GYS1: variants seen among roughly 807,000 people sequenced by gnomAD.
GYS1 encodes glycogen [starch] synthase, muscle.
A neutral mutation model predicts 89.1 loss-of-function variants in GYS1; 60 were observed. That is an observed-to-expected ratio of 0.67 (90% CI 0.55 to 0.84). The LOEUF (loss-of-function observed/expected upper bound fraction) is 0.84. Among genes scored for constraint, GYS1 ranks in the 40% least tolerant of loss-of-function variants. The pLI is 0.00. For synonymous variants in GYS1, 366 were observed against 401.7 expected, an observed-to-expected ratio of 0.91 and a Z score of 1.06; for missense variants, 888 against 1,003.1, an observed-to-expected ratio of 0.89 and a Z score of 1.55.
intron 2 of GYS1, among the ~76,000 whole-genome samples, chr19:48,988,032 G>A (rs963470105): frequency 6.6e-6 from 1 of 152,004 alleles, no homozygotes; most frequent in South Asian, 2.1e-4. Flanking sequence ...TCCATTTCCC[G>A]ACCTTGTGAT....
rs957797019 is a variant in GYS1, at chr19:48,991,691, A to C, written c.119-208T>G. On this transcript the variant is annotated intron_variant, in intron 1 of 15. Coordinates refer to ENST00000323798, the MANE Select transcript of GYS1 (RefSeq NM_002103.5). The surrounding 1 kb of genome is among the most constrained non-coding windows in gnomAD (Gnocchi z 4.7). ...GCTGGAGGGCAGTCCTCCTGGGTCTAAGGGAGAAGGGGGCTGGGGTCAGGA... is the reference window on the plus strand; with the variant it reads ...GCTGGAGGGCAGTCCTCCTGGGTCTCAGGGAGAAGGGGGCTGGGGTCAGGA... 6.6e-6 allele frequency among the ~76,000 whole-genome samples: 1 copy of C among 151,988 alleles called. No homozygotes were observed. The highest frequency in any genetic ancestry group is 2.4e-5 in the African/African-American group (1 of 41,376).
intron 3 of GYS1, 41 bp from the exon 4 acceptor site, chr19:48,986,076 T>C: frequency 6.3e-7 from 1 of 1,596,264 alleles, no homozygotes; most frequent in South Asian, 1.1e-5. Context: ...CCACGAGTGT[T>C]GGGAAAAGAA....
At position 48,986,743 on chromosome 19, in the gene GYS1, C is replaced by T. The variant is rs138786484; in HGVS notation, c.492+451G>A. Among the ~76,000 whole-genome samples the T allele has an allele frequency of 5.1e-3, 778 of 152,214 alleles. 2 individuals carry two copies. The highest frequency in any genetic ancestry group is 7.8e-3 in the Non-Finnish European group (533 of 68,008). On this transcript the variant is annotated intron_variant, in intron 3 of 15. Transcript: ENST00000323798. ...AACTCCTGGCCTCACGTGATCTTCC[C>T]CCATCGGCCTCCCAAAGTGCTGGGA... is the stretch of plus-strand genomic sequence containing the variant.
intron 3 of GYS1, among the ~76,000 whole-genome samples, chr19:48,986,558 C>G (rs993719421): frequency 6.6e-6 from 1 of 150,382 alleles, no homozygotes; most frequent in South Asian, 2.1e-4. Flanking sequence ...GCTGGAGTGC[C>G]GTGATGCAAT....
At chr19:48,990,968 T>A (rs572989481) in intron 2 of GYS1, among the ~76,000 whole-genome samples, 1 of 152,372 alleles carries the variant, frequency 6.6e-6, no homozygotes, top group African/African-American at 2.4e-5. Flanking sequence ...CTAATTTTTG[T>A]ATTTTTGGTA....
chr19:48,984,740 G>C (rs1184123296), intron 5 of GYS1, among the ~76,000 whole-genome samples: 1 of 151,908 alleles, frequency 6.6e-6, no homozygotes, highest in African/African-American at 2.4e-5. Context: ...AATTAGCCAG[G>C]CGTGGTGGCA....
At position 48,986,144 on chromosome 19, in the gene GYS1, GCA is replaced by G. The variant is rs1378316330; in HGVS notation, c.493-111_493-110del. 8.4e-6 allele frequency: 8 copies of G among 953,256 alleles called. No homozygotes were observed. In the African/African-American group the frequency reaches 1.1e-4, roughly 13 times the overall value. The allele number at this position is 953,256 out of a possible 1,614,324, so 59.0% of individuals were successfully genotyped here. On this transcript the variant is annotated intron_variant, in intron 3 of 15. Transcript: ENST00000323798. ...GAGAGGTCAATCTGTCACCACTACT[GCA>G]CAGAGTGGGCAGCGGCCCACTGCAG...
rs181907975 is a variant in GYS1, at chr19:48,978,733, C to G, written c.1170-576G>C. Among the ~76,000 whole-genome samples, 10 of 151,706 alleles carry G rather than the reference C, an allele frequency of 6.6e-5. No homozygotes were observed. In the East Asian group the frequency reaches 1.7e-3, roughly 27 times the overall value. ...CTTTAGTAGAGACGGGGTTTCACCA[C>G]GTTGGCCAGGCTGGTCTCGAACTCC... On this transcript the variant is annotated intron_variant, in intron 8 of 15. Coordinates refer to ENST00000323798, the MANE Select transcript of GYS1 (RefSeq NM_002103.5).
chr19:48,982,540 A>C (rs765468787), intron 6 of GYS1, among the ~76,000 whole-genome samples, 165 bp from the exon 7 acceptor site: 1 of 152,012 alleles, frequency 6.6e-6, no homozygotes, highest in Non-Finnish European at 1.5e-5. Flanking sequence ...CTTTAGATGG[A>C]GATTTCCTTT....
chr19:48,977,584 C>A (rs1440027563), intron 10 of GYS1, among the ~76,000 whole-genome samples: 3 of 152,098 alleles, frequency 2.0e-5, no homozygotes, highest in Non-Finnish European at 2.9e-5. Flanking sequence ...CAGAGCGAGA[C>A]TCCATCTCAA....
chr19:48,968,998 GC>G lies in GYS1; in HGVS notation c.*289del, dbSNP rs1182813038. On this transcript the variant is annotated 3_prime_UTR_variant, in exon 16 of 16. Transcript: ENST00000323798. ...GTTTCCTAAAACCTCTGGCACCACC[GC>G]AGAGTAATGGCAGATTCCTGGCCTC... The G allele has an allele frequency of 1.6e-6, 1 of 626,516 alleles. No individual in the cohort carries two copies. The highest frequency in any genetic ancestry group is 3.0e-6 in the Non-Finnish European group (1 of 338,018). The allele number at this position is 626,516 out of a possible 1,614,324, so 38.8% of individuals were successfully genotyped here. A position where few individuals can be genotyped will look rare whatever the true frequency, so the allele number is the denominator to read the frequency against.
chr19:48,991,446 C>T lies in GYS1; in HGVS notation c.156G>A (p.Lys52=). 6.2e-7 allele frequency: 1 copy of T among 1,614,152 alleles called. No homozygotes were observed. Among genetic ancestry groups the T allele is most frequent in the Non-Finnish European group, 8.5e-7 (1 of 1,180,028 alleles). Residue 52 remains lysine, a synonymous_variant, in exon 2 of 16, where the codon AAG becomes AAA. Coordinates refer to ENST00000323798, the MANE Select transcript of GYS1 (RefSeq NM_002103.5). The surrounding 1 kb of genome is among the most constrained non-coding windows in gnomAD (Gnocchi z 4.7). ...TGTCGCCCCATTCGTCCCCTGTCAC[C>T]TTCGCCTTCGTCTGCAGCACCGTGT... ...GIYTVLQTKA[K]VTGDEWGDNY... is the part of the protein sequence containing the mutation.
chr19:48,981,606 A>C lies in GYS1; in HGVS notation c.1093T>G (p.Phe365Val), dbSNP rs2122505575. The C allele has an allele frequency of 6.2e-7, 1 of 1,613,236 alleles. No homozygotes were observed. Among genetic ancestry groups the C allele is most frequent in the Non-Finnish European group, 8.5e-7 (1 of 1,179,204 alleles). ...VNGSEQTVVAFFIMPARTNNF... is the reference protein window; with the variant it reads ...VNGSEQTVVAVFIMPARTNNF... ...TTGGTCCGCGCTGGCATGATGAAGA[A>C]GGCAACCACTGTCTGCTCGCTGCCG... Residue 365 changes from phenylalanine to valine, a missense_variant, in exon 8 of 16, where the codon TTC becomes GTC. Phe to Val is a conservative substitution (Grantham distance 50, BLOSUM62 -1). Transcript: ENST00000323798.
Position 48,993,265 on chromosome 19 carries a change from C to A in GYS1, c.-153G>T, listed in dbSNP as rs747341727. ...TTCCTATTGCAAGACCGCACCCCTG[C>A]CCCGAAGCGTTGGGACCTAGGCAGA... On this transcript the variant is annotated 5_prime_UTR_variant, in exon 1 of 16. Transcript: ENST00000323798. 1 of 737,304 alleles carries A rather than the reference C, an allele frequency of 1.4e-6. No homozygotes were observed. Among genetic ancestry groups the A allele is most frequent in the South Asian group, 1.4e-5 (1 of 72,660 alleles). 45.7% of individuals were successfully genotyped at this position (737,304 alleles called of 1,614,324 possible).
At chr19:48,992,628 C>G (rs1047926632) in intron 1 of GYS1, among the ~76,000 whole-genome samples, 16 of 152,140 alleles carry the variant, frequency 1.1e-4, no homozygotes, top group African/African-American at 3.4e-4. Flanking sequence ...CTGTTAGGGT[C>G]ATAGGTCTGA....
At chr19:48,983,212 A>G (rs1015607718) in intron 5 of GYS1, among the ~76,000 whole-genome samples, 1 of 151,978 alleles carries the variant, frequency 6.6e-6, no homozygotes, top group African/African-American at 2.4e-5. Context: ...GCTGATCTCA[A>G]ACTCCTGGCT....
intron 7 of GYS1, 52 bp from the exon 8 acceptor site, chr19:48,981,688 A>G: frequency 8.6e-7 from 1 of 1,159,184 alleles, no homozygotes; most frequent in Non-Finnish European, 1.3e-6. Flanking sequence ...GGAAGCCTGG[A>G]ACCAGCCAGC....
chr19:48,990,000 G>GGGT (rs1555800121), intron 2 of GYS1, among the ~76,000 whole-genome samples: 8 of 131,262 alleles, frequency 6.1e-5, no homozygotes, highest in Admixed American at 2.3e-4. Flanking sequence ...CCTTTTGCTG[G>GGGT]GGGGGGGGGG....
At chr19:48,971,108 T>G in intron 12 of GYS1, 85 bp from the exon 13 acceptor site, 1 of 904,680 alleles carries the variant, frequency 1.1e-6, no homozygotes, top group Non-Finnish European at 1.9e-6. Flanking sequence ...CACCGCCCTC[T>G]ACTGGCGCCT....
Sources: allele counts gnomAD v4.1 joint callset (sites outside exome capture counted in the v4.1 genomes callset), GRCh38; gene constraint gnomAD v4.1.1; non-coding constraint Gnocchi (gnomAD v3.1); transcripts MANE v1.5; gene names NCBI Gene and HGNC (gene_info 2026-07-23, HGNC 2026-07-21).